Variants in TBC1D32 observed in about 807,000 individuals in gnomAD.
TBC1D32 encodes TBC1 domain family member 32.
A neutral mutation model predicts 170.3 loss-of-function variants in TBC1D32; 151 were observed. The ratio of observed to expected loss-of-function variants is 0.89; its 90% CI spans 0.78 to 1.01. The LOEUF is 1.01. TBC1D32 is among the 50% of genes least tolerant of loss of function. The pLI is 0.00. For synonymous variants in TBC1D32, 498 were observed against 488.0 expected (o/e 1.02, Z -0.27); for missense variants, 1,464 against 1,457.1 (o/e 1.00, Z -0.08).
intron 30 of TBC1D32, among the ~76,000 whole-genome samples, chr6:121,093,666 A>C (rs543325590): frequency 2.6e-5 from 4 of 152,150 alleles, no homozygotes; most frequent in Admixed American, 2.6e-4. Context: ...GCAACAGTTC[A>C]TTATTATACA....
intron 24 of TBC1D32, among the ~76,000 whole-genome samples, chr6:121,157,139 T>C (rs1316810674): frequency 6.6e-6 from 1 of 152,138 alleles, no homozygotes; most frequent in Non-Finnish European, 1.5e-5. Flanking sequence ...TTAGGGGCTA[T>C]ATAAGTCTTT....
intron 20 of TBC1D32, among the ~76,000 whole-genome samples, chr6:121,227,234 A>C (rs988013048): frequency 3.9e-5 from 6 of 152,136 alleles, no homozygotes; most frequent in Non-Finnish European, 7.4e-5. Flanking sequence ...ATGCATTTAG[A>C]TTCAGGGAGA....
chr6:121,148,500 C>T (rs1395939279), intron 24 of TBC1D32, among the ~76,000 whole-genome samples: 4 of 152,134 alleles, frequency 2.6e-5, no homozygotes, highest in Admixed American at 1.3e-4. Context: ...GGTATATACA[C>T]ACTAATGGAA....
At position 121,124,485 on chromosome 6, in the gene TBC1D32, G is replaced by A. The variant is rs549704863; in HGVS notation, c.2983+1893C>T. 4.6e-5 allele frequency among the ~76,000 whole-genome samples: 7 copies of A among 152,004 alleles called. No homozygotes were observed. In the East Asian group the frequency reaches 1.4e-3, roughly 29 times the overall value. ...CTTTGTCTTTGACTTTTGAGAGTTT[G>A]ATTATAATATGTATTGGGGTATTCT... On this transcript the variant is annotated intron_variant, in intron 26 of 31. Transcript: ENST00000398212.
intron 22 of TBC1D32, among the ~76,000 whole-genome samples, chr6:121,190,406 A>C: frequency 1.3e-5 from 1 of 77,678 alleles, no homozygotes; most frequent in African/African-American, 5.2e-5. Context: ...TTCCCCCCAC[A>C]CACATCCACT....
intron 31 of TBC1D32, among the ~76,000 whole-genome samples, chr6:121,087,926 C>T (rs1448715962): frequency 1.3e-5 from 2 of 149,850 alleles, no homozygotes; most frequent in African/African-American, 4.9e-5. Flanking sequence ...ATTATTATGG[C>T]TGTGGTATGC....
intron 20 of TBC1D32, among the ~76,000 whole-genome samples, chr6:121,226,164 A>C (rs1245457828): frequency 1.3e-5 from 2 of 152,172 alleles, no homozygotes; most frequent in African/African-American, 4.8e-5. Context: ...GCTTATCAGT[A>C]ATTGTGCCAA....
chr6:121,215,040 C>T (rs747026897), intron 21 of TBC1D32, among the ~76,000 whole-genome samples: 2 of 152,216 alleles, frequency 1.3e-5, no homozygotes, highest in African/African-American at 4.8e-5. Context: ...CTGATGTCTG[C>T]TCAGCTCTCA....
At position 121,100,085 on chromosome 6, in the gene TBC1D32, G is replaced by A. The variant is rs142563300; in HGVS notation, c.3465+5938C>T. The stretch of plus-strand genomic sequence containing the variant: ...CATGTAGTTGAGCGGTTTTGAGTGA[G>A]TTTCTTAATCCTGAGTTCTACTTTA... On this transcript the variant is annotated intron_variant, in intron 30 of 31. Transcript: ENST00000398212. 3.2e-3 allele frequency among the ~76,000 whole-genome samples: 491 copies of A among 152,098 alleles called. 1 individual carries two copies. Among genetic ancestry groups the A allele is most frequent in the African/African-American group, 0.011 (473 of 41,518 alleles).
rs201990975 is a variant in TBC1D32 at position 121,110,266 on chromosome 6, T to TTA, written c.3324+2237_3324+2238dup. ...ACTCTGTCTCAAAAAAAAAAAAATTTTATATATATATATAAAAATATATAA... is the reference window on the plus strand; with the variant it reads ...ACTCTGTCTCAAAAAAAAAAAAATTTTATATATATATATATAAAAATATATAA... On this transcript the variant is annotated intron_variant, in intron 29 of 31. Coordinates refer to ENST00000398212, the MANE Select transcript of TBC1D32 (RefSeq NM_152730.6). Among the ~76,000 whole-genome samples the TTA allele has an allele frequency of 8.8e-3, 1,274 of 144,014 alleles. 9 individuals are homozygous for TTA. Among genetic ancestry groups the TTA allele is most frequent in the South Asian group, 0.041 (186 of 4,582 alleles). 94.5% of individuals were successfully genotyped at this position (144,014 alleles called of 152,430 possible). A position where few individuals can be genotyped will look rare whatever the true frequency, so the allele number is the denominator to read the frequency against.
intron 23 of TBC1D32, 83 bp from the exon 24 acceptor site, chr6:121,160,186 T>G (rs1785436496): frequency 2.2e-6 from 2 of 921,120 alleles, no homozygotes; most frequent in East Asian, 2.5e-5. Flanking sequence ...TATTGTTAAC[T>G]TAAACTGGCT....
chr6:121,242,955 A>C (rs1797176026), intron 17 of TBC1D32, among the ~76,000 whole-genome samples: 1 of 152,078 alleles, frequency 6.6e-6, no homozygotes, highest in African/African-American at 2.4e-5. Context: ...TTGCATTTGA[A>C]AACATGACAC....
At chr6:121,284,516 A>C (rs1171250176) in intron 12 of TBC1D32, among the ~76,000 whole-genome samples, 1 of 152,188 alleles carries the variant, frequency 6.6e-6, no homozygotes, top group Admixed American at 6.5e-5. Context: ...GAACAATTTA[A>C]AAAGATAAAA....
chr6:121,262,449 C>A (rs1043899035), intron 15 of TBC1D32, among the ~76,000 whole-genome samples: 1 of 151,616 alleles, frequency 6.6e-6, no homozygotes, highest in African/African-American at 2.4e-5. Context: ...AATCTATAGG[C>A]CAGAAGAGAA....
intron 21 of TBC1D32, among the ~76,000 whole-genome samples, chr6:121,221,975 C>T (rs541317606): frequency 4.0e-4 from 61 of 152,232 alleles, no homozygotes; most frequent in Non-Finnish European, 7.3e-5. Flanking sequence ...AAATATTTCA[C>T]GAAAGGTGTC....
chr6:121,092,844 T>C (rs1776976579), intron 30 of TBC1D32, among the ~76,000 whole-genome samples: 2 of 152,288 alleles, frequency 1.3e-5, no homozygotes, highest in South Asian at 2.1e-4. Flanking sequence ...CATTCTGAAG[T>C]AGTGGGGTTA....
intron 29 of TBC1D32, among the ~76,000 whole-genome samples, chr6:121,111,478 T>C (rs1779199593): frequency 6.6e-6 from 1 of 152,156 alleles, no homozygotes; most frequent in Non-Finnish European, 1.5e-5. Context: ...TTTTTTAAAA[T>C]CTTCAAGTAC....
chr6:121,223,152 C>T, intron 21 of TBC1D32, 84 bp downstream of exon 21: 2 of 844,310 alleles, frequency 2.4e-6, no homozygotes, highest in Non-Finnish European at 3.7e-6. Context: ...TTTCTTTTTT[C>T]TCTTTTTGGT....
At chr6:121,160,919 C>T in intron 23 of TBC1D32, 29 bp downstream of exon 23, 1 of 1,565,590 alleles carries the variant, frequency 6.4e-7, no homozygotes, top group South Asian at 1.1e-5. Context: ...CAGAAAAACA[C>T]ATCCCACTTC....
Sources: gnomAD v4.1 joint callset for allele counts (sites outside exome capture counted in the v4.1 genomes callset) on GRCh38, gnomAD v4.1.1 for gene constraint, MANE v1.5 for transcripts, NCBI Gene and HGNC (gene_info 2026-07-23, HGNC 2026-07-21) for gene names.